PTCH1: variants seen among roughly 807,000 people sequenced by gnomAD.
PTCH1 encodes patched 1.
Under a neutral mutation model 144.6 loss-of-function variants are expected in PTCH1, and 14 were observed. The observed-to-expected ratio is 0.10, with a 90% CI of 0.06 to 0.15. The LOEUF is 0.15. Ranked by LOEUF, PTCH1 falls within the 10% of genes least tolerant of loss-of-function variation. The pLI, the probability that PTCH1 is intolerant of heterozygous loss-of-function variation, is 1.00. For missense variants in PTCH1, 1,623 were observed against 1,948.3 expected (o/e 0.83, Z 3.14); for synonymous variants, 833 against 793.6 (o/e 1.05, Z -0.83).
chr9:95,482,279 A>G, intron 3 of PTCH1, 76 bp from the exon 4 acceptor site: 1 of 1,387,378 alleles, frequency 7.2e-7, no homozygotes, highest in Non-Finnish European at 1.0e-6. Context: ...ATGATAGAAC[A>G]TATAAAAAGA....
In PTCH1 at chr9:95,476,081, T is replaced by C. The variant is rs1332335605; in HGVS notation, c.1681A>G (p.Met561Val). Residue 561 changes from methionine to valine, a missense_variant, in exon 12 of 24, where the codon ATG becomes GTG. Transcript: ENST00000331920. The surrounding 1 kb of genome is among the most constrained non-coding windows in gnomAD (Gnocchi z 4.6). ...TSISNVTAFF[M>V]AALIPIPALR... ...GCGGGAATTGGGATTAACGCGGCCA[T>C]GAAGAAGGCTGTGACATTGCTGATG... 3.7e-6 allele frequency: 6 copies of C among 1,613,994 alleles called. No individual in the cohort carries two copies. The highest frequency in any genetic ancestry group is 2.2e-5 in the East Asian group (1 of 44,866).
chr9:95,504,620 G>T, intron 2 of PTCH1, among the ~76,000 whole-genome samples: 1 of 151,952 alleles, frequency 6.6e-6, no homozygotes, highest in East Asian at 1.9e-4. Context: ...GCCCTATTCT[G>T]TCCTAGAATC....
chr9:95,493,593 G>C (rs1842579326), intron 2 of PTCH1, among the ~76,000 whole-genome samples: 1 of 152,206 alleles, frequency 6.6e-6, no homozygotes, highest in Non-Finnish European at 1.5e-5. Flanking sequence ...TAGGAAAATA[G>C]GGTCTGTGTA....
intron 22 of PTCH1, among the ~76,000 whole-genome samples, chr9:95,448,177 T>C (rs1183370121): frequency 6.6e-6 from 1 of 152,192 alleles, no homozygotes; most frequent in Non-Finnish European, 1.5e-5. Flanking sequence ...CTTGTACCTA[T>C]TTTTAGGCTC....
At chr9:95,455,353 T>C (rs374162800) in intron 19 of PTCH1, among the ~76,000 whole-genome samples, 4 of 152,170 alleles carry the variant, frequency 2.6e-5, no homozygotes, top group East Asian at 3.8e-4. Context: ...GTGCTAGAGA[T>C]TGCAAAAGCA....
At chr9:95,493,140 C>T (rs1206225368) in intron 2 of PTCH1, among the ~76,000 whole-genome samples, 3 of 152,204 alleles carry the variant, frequency 2.0e-5, no homozygotes, top group Non-Finnish European at 2.9e-5. Flanking sequence ...CCAGCTGACC[C>T]AGAGGCCCAT....
rs1054011422 is a variant in PTCH1 at position 95,444,338 on chromosome 9, A to T, written c.*2055T>A. 6.6e-6 allele frequency: 1 copy of T among 152,220 alleles called. No individual in the cohort carries two copies. Among genetic ancestry groups the T allele is most frequent in the Middle Eastern group, 3.4e-3 (1 of 298 alleles). 9.4% of individuals were successfully genotyped at this position (152,220 alleles called of 1,614,324 possible). A position where few individuals can be genotyped will look rare whatever the true frequency, so the allele number is the denominator to read the frequency against. Reference sequence around the variant, plus strand: ...CTCAGGAAGGGAGCGAGGGCACGCCAGGAGCCAGAGGGAAGTCGACTTCAG... The same window carrying T: ...CTCAGGAAGGGAGCGAGGGCACGCCTGGAGCCAGAGGGAAGTCGACTTCAG... On this transcript the variant is annotated 3_prime_UTR_variant, in exon 24 of 24. Coordinates refer to ENST00000331920, the MANE Select transcript of PTCH1 (RefSeq NM_000264.5).
exon 1 of PTCH1, chr9:95,516,776 G>A (rs1401346831): frequency 6.2e-7 from 1 of 1,612,750 alleles, no homozygotes; most frequent in Non-Finnish European, 8.5e-7. Context: ...GCGGAGTGCA[G>A]CGCGGACTCA....
chr9:95,475,918 C>G (rs1254246577), intron 12 of PTCH1, 116 bp downstream of exon 12: 4 of 1,496,992 alleles, frequency 2.7e-6, no homozygotes, highest in African/African-American at 1.4e-5. Flanking sequence ...CAAACACAGG[C>G]ATTTCTATTT....
At chr9:95,513,722 A>G (rs1033698732), upstream of PTCH1, among the ~76,000 whole-genome samples, 1 of 152,062 alleles carries the variant, frequency 6.6e-6, no homozygotes, top group African/African-American at 2.4e-5. Flanking sequence ...GAAGTCGGGG[A>G]CGGGGTGGGG....
At chr9:95,494,110 T>A (rs1483020476) in intron 2 of PTCH1, among the ~76,000 whole-genome samples, 3 of 152,232 alleles carry the variant, frequency 2.0e-5, no homozygotes, top group Non-Finnish European at 2.9e-5. Context: ...TGTGGCAGGC[T>A]GGGCGCAGGT....
rs149172391 is a variant in PTCH1, at chr9:95,470,533, G to A, written c.1729-602C>T. Among the ~76,000 whole-genome samples, 857 of 152,222 alleles carry A rather than the reference G, an allele frequency of 5.6e-3. 7 individuals are homozygous for A. The highest frequency in any genetic ancestry group is 0.017 in the African/African-American group (708 of 41,530). On this transcript the variant is annotated intron_variant, in intron 12 of 23. Transcript: ENST00000331920. ...AAATTCCTGTGTGTGATTATAGTACGCAGAATAAATAAGTACAGATTCAAA... is the reference window on the plus strand; with the variant it reads ...AAATTCCTGTGTGTGATTATAGTACACAGAATAAATAAGTACAGATTCAAA...
exon 1 of PTCH1, chr9:95,516,831 G>C (rs770132991): frequency 4.4e-6 from 7 of 1,592,826 alleles, no homozygotes; most frequent in Non-Finnish European, 5.1e-6. Context: ...GGCCCTCGGC[G>C]TGGGTGGTCT....
At chr9:95,495,950 G>A (rs1031784021) in intron 2 of PTCH1, among the ~76,000 whole-genome samples, 1 of 152,156 alleles carries the variant, frequency 6.6e-6, no homozygotes, top group African/African-American at 2.4e-5. Context: ...GTGTGAGTGT[G>A]TGTGTTTTAT....
chr9:95,459,527 C>T lies in PTCH1; in HGVS notation c.2887+73G>A. The stretch of plus-strand genomic sequence containing the variant: ...CCTGGGTAGCGTCAACGGATGAAGG[C>T]TGTTGCTGAGTTTGGAGAACCAGGG... On this transcript the variant is annotated intron_variant, in intron 17 of 23. Coordinates refer to ENST00000331920, the MANE Select transcript of PTCH1 (RefSeq NM_000264.5). 9.7e-6 allele frequency: 15 copies of T among 1,549,516 alleles called. No individual in the cohort carries two copies. The East Asian group carries it at 3.1e-4, about 32-fold the overall frequency.
At position 95,467,224 on chromosome 9, in the gene PTCH1, A is replaced by T. The variant is rs2117956916; in HGVS notation, c.2452T>A (p.Leu818Ile). Residue 818 changes from leucine (L) to isoleucine (I), a missense_variant, in exon 15 of 24, where the codon TTA becomes ATA. Around this residue, in one of 7 missense-constraint regions of PTCH1, gnomAD observed 504 missense variants for 679.3 expected, o/e 0.74. Transcript: ENST00000331920. Reference sequence around the variant, plus strand: ...AAACTCCTGTGTAGGTCGTAAAGTAAGTGCTGGATATTCGGGTAGTCTGCT... The same window carrying T: ...AAACTCCTGTGTAGGTCGTAAAGTATGTGCTGGATATTCGGGTAGTCTGCT... ...QKADYPNIQH[L>I]LYDLHRSFSN... 1 of 1,613,342 alleles carries T rather than the reference A, an allele frequency of 6.2e-7. No individual in the cohort carries two copies. The highest frequency in any genetic ancestry group is 8.5e-7 in the Non-Finnish European group (1 of 1,179,796).
chr9:95,491,232 TGCTGCTCCTCCATCAA>T (rs1328060471), intron 2 of PTCH1, among the ~76,000 whole-genome samples: 1 of 152,206 alleles, frequency 6.6e-6, no homozygotes, highest in East Asian at 1.9e-4. Flanking sequence ...TTTTGATCAT[TGCTGCTCCTCCATCAA>T]GCTGGGGCCA....
intron 12 of PTCH1, among the ~76,000 whole-genome samples, chr9:95,472,363 C>T (rs927433206): frequency 7.0e-6 from 1 of 141,940 alleles, no homozygotes; most frequent in African/African-American, 2.6e-5. Flanking sequence ...AGCTGAGAAC[C>T]GGGAGTTTTG....
upstream of PTCH1, among the ~76,000 whole-genome samples, chr9:95,510,410 C>T (rs1564094400): frequency 6.6e-6 from 1 of 152,230 alleles, no homozygotes; most frequent in Non-Finnish European, 1.5e-5. Context: ...GTCACCAAGG[C>T]ATCCCGGGGA....
Sources: allele counts gnomAD v4.1 joint callset (sites outside exome capture counted in the v4.1 genomes callset), GRCh38; gene constraint gnomAD v4.1.1; regional missense constraint gnomAD v4.1.1; non-coding constraint Gnocchi (gnomAD v3.1); transcripts MANE v1.5; gene names NCBI Gene and HGNC (gene_info 2026-07-23, HGNC 2026-07-21).